Variants in CELF2 observed in about 807,000 individuals in gnomAD.
The protein encoded by CELF2 is CUG triplet repeat RNA-binding protein 2.
A neutral mutation model predicts 62.6 loss-of-function variants in CELF2; 8 were observed. The observed-to-expected ratio is 0.13, with a 90% CI of 0.07 to 0.23. The LOEUF (loss-of-function observed/expected upper bound fraction) is 0.23. CELF2 is among the 10% of genes least tolerant of loss of function. The pLI, the probability that CELF2 is intolerant of heterozygous loss-of-function variation, is 1.00. For synonymous variants in CELF2, 258 were observed against 250.0 expected, an observed-to-expected ratio of 1.03 and a Z score of -0.30; for missense variants, 333 against 671.0, an observed-to-expected ratio of 0.50 and a Z score of 5.56.
the CELF2 span, among the ~76,000 whole-genome samples, chr10:10,603,069 T>C: frequency 5.3e-5 from 8 of 150,670 alleles, no homozygotes; most frequent in African/African-American, 1.9e-4. Flanking sequence ...AAGCTGTTCT[T>C]AGACCAGTAT....
chr10:11,329,865 AAAG>A lies in CELF2; in HGVS notation c.*815_*817del, dbSNP rs1277053243. On this transcript the variant is annotated 3_prime_UTR_variant, in exon 13 of 13. Transcript: ENST00000633077. The surrounding 1 kb of genome is among the most constrained non-coding windows in gnomAD (Gnocchi z 5.5). Reference sequence around the variant, plus strand: ...ATAAATACATAAATACATAAATAAAAAAGAAAGCCACAGGCCTGTAAATTTTAT... The same window carrying A: ...ATAAATACATAAATACATAAATAAAAAAAGCCACAGGCCTGTAAATTTTAT... The A allele has an allele frequency of 2.0e-5, 3 of 150,542 alleles. No individual in the cohort carries two copies. The highest frequency in any genetic ancestry group is 2.9e-5 in the Non-Finnish European group (2 of 67,906). 9.3% of individuals were successfully genotyped at this position (150,542 alleles called of 1,614,324 possible).
chr10:10,578,779 G>T, the CELF2 span, among the ~76,000 whole-genome samples: 1 of 152,032 alleles, frequency 6.6e-6, no homozygotes, highest in Non-Finnish European at 1.5e-5. Flanking sequence ...CCTTCCATGG[G>T]TCCACACCCT....
the CELF2 span, among the ~76,000 whole-genome samples, chr10:10,659,877 A>AT: frequency 2.0e-5 from 3 of 152,106 alleles, no homozygotes; most frequent in African/African-American, 7.2e-5. Context: ...AGATGGGGAG[A>AT]TTTTCTGGGA....
In CELF2 at chr10:11,267,625, CTTTT is replaced by C. The variant is rs1176882136; in HGVS notation, c.618+951_618+954del. On this transcript the variant is annotated intron_variant, in intron 6 of 12. Coordinates refer to ENST00000633077, the MANE Select transcript of CELF2 (RefSeq NM_001326342.2). This position sits in a 1 kb window ranked among gnomAD's most constrained non-coding sequence, Gnocchi z 4.4. Reference sequence around the variant, plus strand: ...TCAATTTTATTTAATATGCAAAAAACTTTTTTCTTGATTGAGCTTCTGTTTTCCC... The same window carrying C: ...TCAATTTTATTTAATATGCAAAAAACTTCTTGATTGAGCTTCTGTTTTCCC... 6.6e-6 allele frequency among the ~76,000 whole-genome samples: 1 copy of C among 152,082 alleles called. No homozygotes were observed. The highest frequency in any genetic ancestry group is 1.5e-5 in the Non-Finnish European group (1 of 68,004).
intron 1 of CELF2, among the ~76,000 whole-genome samples, chr10:11,139,399 C>G (rs1297854359): frequency 6.6e-6 from 1 of 152,160 alleles, no homozygotes; most frequent in Non-Finnish European, 1.5e-5. Flanking sequence ...GAAAGAAATT[C>G]TGTTAAAATT....
intron 1 of CELF2, among the ~76,000 whole-genome samples, chr10:11,043,555 A>G (rs1395004268): frequency 1.3e-5 from 2 of 152,018 alleles, no homozygotes; most frequent in African/African-American, 4.8e-5. Flanking sequence ...TGCATCGCAG[A>G]CTTCCGTGTC....
the CELF2 span, among the ~76,000 whole-genome samples, chr10:10,791,076 T>C: frequency 2.8e-3 from 425 of 152,324 alleles, 3 homozygotes; most frequent in African/African-American, 9.7e-3. Flanking sequence ...CCTTGATACA[T>C]ACTAAATTTT....
the CELF2 span, among the ~76,000 whole-genome samples, chr10:10,564,267 C>G: frequency 6.6e-6 from 1 of 152,190 alleles, no homozygotes; most frequent in Non-Finnish European, 1.5e-5. Context: ...TACCGCAACA[C>G]ATGACATCCC....
the CELF2 span, among the ~76,000 whole-genome samples, chr10:10,472,544 T>C: frequency 1.3e-5 from 2 of 151,958 alleles, no homozygotes; most frequent in African/African-American, 2.4e-5. Flanking sequence ...AAATCCAACA[T>C]CTGTGACCAT....
intron 7 of CELF2, among the ~76,000 whole-genome samples, chr10:11,273,836 C>T (rs2084868723): frequency 6.6e-6 from 1 of 152,142 alleles, no homozygotes; most frequent in Non-Finnish European, 1.5e-5. Context: ...ATTCTCATGC[C>T]TCAGCCTCCT....
At chr10:10,978,170 C>G (rs536517430) in intron 2 of CELF2, among the ~76,000 whole-genome samples, 1 of 151,698 alleles carries the variant, frequency 6.6e-6, no homozygotes, top group South Asian at 2.1e-4. Flanking sequence ...ATTCAAAAAT[C>G]AAAGCAGAAT....
the CELF2 span, among the ~76,000 whole-genome samples, chr10:10,469,918 C>T: frequency 6.6e-6 from 1 of 151,640 alleles, no homozygotes; most frequent in Non-Finnish European, 1.5e-5. Flanking sequence ...CTGAGTAATC[C>T]CAAGTACAGG....
intron 2 of CELF2, among the ~76,000 whole-genome samples, chr10:11,167,277 ATAAATT>A (rs2067496514): frequency 6.6e-6 from 1 of 152,238 alleles, no homozygotes; most frequent in Admixed American, 6.5e-5. Context: ...AAAAAAATTA[ATAAATT>A]TAAAAATCAC....
intron 2 of CELF2, among the ~76,000 whole-genome samples, chr10:11,203,202 T>C (rs2059678596): frequency 6.6e-6 from 1 of 152,176 alleles, no homozygotes; most frequent in South Asian, 2.1e-4. Flanking sequence ...GGCGGCGTGC[T>C]CTTCCTCAGA....
At chr10:11,221,241 A>C (rs10160031) in intron 3 of CELF2, among the ~76,000 whole-genome samples, 116,434 of 152,116 alleles carry the variant, frequency 0.77, 46,011 homozygotes, top group Non-Finnish European at 0.87. Context: ...TTTGGGGTTA[A>C]AGATAGCATC....
chr10:10,632,956 C>T, the CELF2 span, among the ~76,000 whole-genome samples: 2 of 152,188 alleles, frequency 1.3e-5, no homozygotes, highest in Non-Finnish European at 1.5e-5. Context: ...TTGTAGCTCA[C>T]TTCATATCAG....
At chr10:10,845,273 GAGAA>G (rs1005146064) in intron 1 of CELF2, among the ~76,000 whole-genome samples, 3 of 150,188 alleles carry the variant, frequency 2.0e-5, no homozygotes, top group Non-Finnish European at 4.4e-5. Flanking sequence ...TTCTTAAAGG[GAGAA>G]AGAAAGAAAA....
the CELF2 span, among the ~76,000 whole-genome samples, chr10:10,535,808 G>C: frequency 9.9e-5 from 15 of 152,256 alleles, no homozygotes; most frequent in East Asian, 2.5e-3. Context: ...AGAATGGGGA[G>C]GGAATTTGTG....
At chr10:11,320,643 G>T (rs1035260049) in intron 10 of CELF2, among the ~76,000 whole-genome samples, 18 of 152,096 alleles carry the variant, frequency 1.2e-4, no homozygotes, top group Non-Finnish European at 2.1e-4. Context: ...TCCTCAAACT[G>T]CAGGTCCACT....
Sources: gnomAD v4.1 joint callset for allele counts (sites outside exome capture counted in the v4.1 genomes callset) on GRCh38, gnomAD v4.1.1 for gene constraint, Gnocchi (gnomAD v3.1) non-coding constraint, MANE v1.5 for transcripts, NCBI Gene and HGNC (gene_info 2026-07-23, HGNC 2026-07-21) for gene names.